Variants in CAMTA1 observed in about 807,000 individuals in gnomAD.
The protein encoded by CAMTA1 is calmodulin binding transcription activator 1.
Under a neutral mutation model 170.9 loss-of-function variants are expected in CAMTA1, and 27 were observed. The observed-to-expected ratio is 0.16, with a 90% CI of 0.12 to 0.22. The LOEUF (loss-of-function observed/expected upper bound fraction) is 0.22, where lower values mean the gene tolerates loss of function less well. CAMTA1 is among the 10% of genes least tolerant of loss of function. CAMTA1 has a pLI of 1.00. For missense variants in CAMTA1, 1,619 were observed against 2,217.2 expected, an observed-to-expected ratio of 0.73 and a Z score of 5.42; for synonymous variants, 833 against 891.5, an observed-to-expected ratio of 0.93 and a Z score of 1.17.
rs1205519569 is a variant in CAMTA1 at position 7,673,251 on chromosome 1, A to G, written c.2779+2214A>G. On this transcript the variant is annotated intron_variant, in intron 10 of 22. Coordinates refer to ENST00000303635, the MANE Select transcript of CAMTA1 (RefSeq NM_015215.4). The surrounding 1 kb of genome is among the most constrained non-coding windows in gnomAD (Gnocchi z 4.6). ...TGGCCCCGGGGCTGGAGTCAGCCAC[A>G]CTCGGGTCCATCCCAGATCAGCCAG... Among the ~76,000 whole-genome samples the G allele has an allele frequency of 6.6e-6, 1 of 152,172 alleles. No individual in the cohort carries two copies. The highest frequency in any genetic ancestry group is 1.5e-5 in the Non-Finnish European group (1 of 68,028).
chr1:7,354,686 A>G (rs183998761), intron 5 of CAMTA1, among the ~76,000 whole-genome samples: 30 of 152,328 alleles, frequency 2.0e-4, no homozygotes, highest in African/African-American at 6.3e-4. Flanking sequence ...CCCACCTGCA[A>G]TGTACAAGCA....
At chr1:7,292,053 T>A (rs765454181) in intron 5 of CAMTA1, among the ~76,000 whole-genome samples, 11 of 152,346 alleles carry the variant, frequency 7.2e-5, no homozygotes, top group South Asian at 2.1e-4. Flanking sequence ...TTGCAGAAAT[T>A]CGCAATTAAA....
intron 3 of CAMTA1, among the ~76,000 whole-genome samples, chr1:6,973,513 A>G (rs1309663969): frequency 6.6e-6 from 1 of 152,110 alleles, no homozygotes. Context: ...CGCTCCCTTT[A>G]TGCACGCATC....
intron 3 of CAMTA1, among the ~76,000 whole-genome samples, chr1:7,009,538 C>T (rs888982750): frequency 5.3e-5 from 8 of 152,198 alleles, no homozygotes; most frequent in Non-Finnish European, 1.2e-4. Flanking sequence ...GTTTTGCTGC[C>T]AGGTGCCCTG....
chr1:7,374,644 G>A (rs556531303), intron 5 of CAMTA1, among the ~76,000 whole-genome samples: 154 of 152,328 alleles, frequency 1.0e-3, no homozygotes, highest in African/African-American at 3.6e-3. Flanking sequence ...CCTTTACAAG[G>A]AGCCAAATAT....
chr1:7,128,480 G>A (rs1216894532), intron 4 of CAMTA1, among the ~76,000 whole-genome samples: 2 of 152,202 alleles, frequency 1.3e-5, no homozygotes, highest in Non-Finnish European at 2.9e-5. Flanking sequence ...CTTGTGCAAA[G>A]GCCCTGAGGT....
chr1:7,249,343 G>A lies in CAMTA1; in HGVS notation c.303-148G>A, dbSNP rs1666292140. 4 of 803,000 alleles carry A rather than the reference G, an allele frequency of 5.0e-6. No individual in the cohort carries two copies. The highest frequency in any genetic ancestry group is 5.8e-6 in the Non-Finnish European group (3 of 516,688). The allele number at this position is 803,000 out of a possible 1,614,324, so 49.7% of individuals were successfully genotyped here. ...TGGCCATAAAACATGGTTAATCCAG[G>A]GAGATGCAATAAAAGGTGAAAAATT... On this transcript the variant is annotated intron_variant, in intron 4 of 22. Transcript: ENST00000303635. This position sits in a 1 kb window ranked among gnomAD's most constrained non-coding sequence, Gnocchi z 4.4.
chr1:6,907,676 C>T (rs1678831644), intron 3 of CAMTA1, among the ~76,000 whole-genome samples: 1 of 152,166 alleles, frequency 6.6e-6, no homozygotes, highest in Non-Finnish European at 1.5e-5. Context: ...AGGTACGGGG[C>T]CAGCCTGCCC....
At chr1:7,292,692 G>GT (rs1016737599) in intron 5 of CAMTA1, among the ~76,000 whole-genome samples, 26 of 152,256 alleles carry the variant, frequency 1.7e-4, no homozygotes, top group African/African-American at 1.7e-4. Flanking sequence ...GAGCTGCTTA[G>GT]TTTTTTCCCA....
rs115321708 is a variant in CAMTA1, at chr1:7,650,989, G to A, written c.664+10436G>A. Among the ~76,000 whole-genome samples, 420 of 152,244 alleles carry A rather than the reference G, an allele frequency of 2.8e-3. 4 individuals are homozygous for A. The highest frequency in any genetic ancestry group is 9.3e-3 in the African/African-American group (388 of 41,534). On this transcript the variant is annotated intron_variant, in intron 7 of 22. Transcript: ENST00000303635. ...TAGTGTCAACAACACCGAGGACTCC[G>A]AAGGGGCCTCATTCACTCCAGGAGA... is the stretch of plus-strand genomic sequence containing the variant.
intron 21 of CAMTA1, among the ~76,000 whole-genome samples, chr1:7,754,293 G>T (rs1350870884): frequency 1.3e-5 from 2 of 152,048 alleles, no homozygotes; most frequent in Admixed American, 6.6e-5. Flanking sequence ...TCTTCTTTAG[G>T]CCACTTCAGA....
At chr1:7,285,933 C>T (rs1236038423) in intron 5 of CAMTA1, among the ~76,000 whole-genome samples, 1 of 152,172 alleles carries the variant, frequency 6.6e-6, no homozygotes, top group Non-Finnish European at 1.5e-5. Context: ...CTACAAATTC[C>T]CAGGCCACAT....
chr1:7,124,081 A>G (rs1436479894), intron 4 of CAMTA1, among the ~76,000 whole-genome samples: 1 of 152,254 alleles, frequency 6.6e-6, no homozygotes, highest in Middle Eastern at 3.4e-3. Flanking sequence ...TGGTGTTTCC[A>G]GGTAGCCTGC....
chr1:7,649,678 A>G (rs1438387925), intron 7 of CAMTA1, among the ~76,000 whole-genome samples: 1 of 152,234 alleles, frequency 6.6e-6, no homozygotes, highest in Non-Finnish European at 1.5e-5. Flanking sequence ...GGACTGGAAG[A>G]GAAATACTGC....
chr1:7,133,445 A>G (rs1438613615), intron 4 of CAMTA1, among the ~76,000 whole-genome samples: 2 of 152,066 alleles, frequency 1.3e-5, no homozygotes, highest in African/African-American at 4.8e-5. Flanking sequence ...CCCTTATATT[A>G]ATAATTTGTG....
intron 1 of CAMTA1, among the ~76,000 whole-genome samples, chr1:6,816,883 G>A (rs910499179): frequency 4.6e-5 from 7 of 152,220 alleles, no homozygotes; most frequent in East Asian, 1.9e-4. Context: ...CTAGTACAAG[G>A]TAGCCCTTTC....
chr1:7,421,400 C>G (rs577652157), intron 5 of CAMTA1, among the ~76,000 whole-genome samples: 1 of 152,260 alleles, frequency 6.6e-6, no homozygotes, highest in Admixed American at 6.5e-5. Context: ...CTCATCCGCC[C>G]GTCCCGGCCT....
chr1:7,339,663 C>T (rs535362868), intron 5 of CAMTA1, among the ~76,000 whole-genome samples: 2 of 152,228 alleles, frequency 1.3e-5, no homozygotes, highest in East Asian at 1.9e-4. Context: ...AGTGCAGTGG[C>T]GCAATCTCAG....
At chr1:7,610,793 C>G (rs910673028) in intron 6 of CAMTA1, among the ~76,000 whole-genome samples, 8 of 152,240 alleles carry the variant, frequency 5.3e-5, no homozygotes, top group African/African-American at 1.7e-4. Flanking sequence ...AGGATGGGTC[C>G]TTGCCCTGAT....
Sources: allele counts gnomAD v4.1 joint callset (sites outside exome capture counted in the v4.1 genomes callset), GRCh38; gene constraint gnomAD v4.1.1; non-coding constraint Gnocchi (gnomAD v3.1); transcripts MANE v1.5; gene names NCBI Gene and HGNC (gene_info 2026-07-23, HGNC 2026-07-21).